MAPK10: variants seen among roughly 807,000 people sequenced by gnomAD.
MAPK10 encodes the protein mitogen-activated protein kinase 10.
In MAPK10, 25 loss-of-function variants were observed where a neutral mutation model predicts 59.3. That is an observed-to-expected ratio of 0.42 (90% confidence interval 0.31 to 0.59). The LOEUF (loss-of-function observed/expected upper bound fraction) is 0.59. Among genes scored for constraint, MAPK10 ranks in the 20% least tolerant of loss-of-function variants. MAPK10 has a pLI of 0.15. For synonymous variants in MAPK10, 190 were observed against 200.5 expected (o/e 0.95, Z 0.44); for missense variants, 351 against 568.9 (o/e 0.62, Z 3.90).
At chr4:86,304,545 A>T (rs1429934473) in intron 2 of MAPK10, among the ~76,000 whole-genome samples, 3 of 150,958 alleles carry the variant, frequency 2.0e-5, no homozygotes, top group African/African-American at 4.9e-5. Context: ...GGCGCCCGCC[A>T]CCGCGCCCGG....
chr4:86,120,352 T>C (rs545778192), intron 4 of MAPK10: 1 of 152,328 alleles, frequency 6.6e-6, no homozygotes, highest in African/African-American at 2.4e-5. Context: ...CAGGAACTTC[T>C]TAAAACACTA....
At chr4:86,480,044 C>T (rs1263198947) in intron 1 of MAPK10, among the ~76,000 whole-genome samples, 1 of 152,210 alleles carries the variant, frequency 6.6e-6, no homozygotes, top group Admixed American at 6.5e-5. Flanking sequence ...ATTTTTCTTA[C>T]TAATATAAGA....
chr4:86,495,570 G>A (rs1754813193), intron 1 of MAPK10, among the ~76,000 whole-genome samples: 1 of 151,998 alleles, frequency 6.6e-6, no homozygotes, highest in African/African-American at 2.4e-5. Flanking sequence ...ATTTAGTGTC[G>A]ACATTTTAAT....
At chr4:86,265,829 C>T (rs1305180264) in intron 2 of MAPK10, among the ~76,000 whole-genome samples, 1 of 152,122 alleles carries the variant, frequency 6.6e-6, no homozygotes, top group Non-Finnish European at 1.5e-5. Flanking sequence ...ACAAGCAGTG[C>T]TATTTCAATG....
chr4:86,019,721 C>T (rs1745375550), intron 13 of MAPK10, among the ~76,000 whole-genome samples: 1 of 152,284 alleles, frequency 6.6e-6, no homozygotes, highest in African/African-American at 2.4e-5. Flanking sequence ...TATCCACACT[C>T]TTATTAAAAG....
chr4:86,320,977 T>A (rs1198424796), intron 2 of MAPK10, among the ~76,000 whole-genome samples: 1 of 151,806 alleles, frequency 6.6e-6, no homozygotes, highest in Non-Finnish European at 1.5e-5. Context: ...AAAAAACACA[T>A]GAAAAAATGC....
intron 1 of MAPK10, among the ~76,000 whole-genome samples, chr4:86,549,588 T>C (rs1759595546): frequency 6.6e-6 from 1 of 152,212 alleles, no homozygotes; most frequent in East Asian, 1.9e-4. Context: ...TGACTAAATG[T>C]GAAGGCTTAG....
At chr4:86,094,589 G>C (rs1313999702) in intron 9 of MAPK10, among the ~76,000 whole-genome samples, 1 of 151,892 alleles carries the variant, frequency 6.6e-6, no homozygotes, top group African/African-American at 2.4e-5. Flanking sequence ...AAAAGAAGCA[G>C]GTTTGAGGAA....
At chr4:86,104,380 T>C (rs1426519424) in intron 5 of MAPK10, among the ~76,000 whole-genome samples, 1 of 152,162 alleles carries the variant, frequency 6.6e-6, no homozygotes, top group African/African-American at 2.4e-5. Context: ...AATATTCATA[T>C]AGAAATAAAA....
chr4:86,240,411 TTC>T (rs1224639085), intron 2 of MAPK10, among the ~76,000 whole-genome samples: 1 of 152,214 alleles, frequency 6.6e-6, no homozygotes, highest in Non-Finnish European at 1.5e-5. Context: ...CTTGTTAATT[TTC>T]TGTCTCATCG....
intron 1 of MAPK10, among the ~76,000 whole-genome samples, chr4:86,398,488 T>C (rs1436462411): frequency 6.6e-6 from 1 of 152,182 alleles, no homozygotes; most frequent in African/African-American, 2.4e-5. Flanking sequence ...ACCCAAATAT[T>C]ATGTCTGCAG....
chr4:86,378,202 T>C (rs979631098), intron 1 of MAPK10, among the ~76,000 whole-genome samples: 1 of 152,132 alleles, frequency 6.6e-6, no homozygotes, highest in Non-Finnish European at 1.5e-5. Flanking sequence ...AAATTCCTTA[T>C]CATAGCCTGC....
intron 2 of MAPK10, among the ~76,000 whole-genome samples, chr4:86,315,048 T>C (rs559776803): frequency 9.8e-5 from 15 of 152,286 alleles, no homozygotes; most frequent in African/African-American, 3.6e-4. Context: ...TACATTACAA[T>C]AGATGAATAT....
intron 1 of MAPK10, among the ~76,000 whole-genome samples, chr4:86,565,770 A>AT (rs147282187): frequency 6.6e-6 from 1 of 152,074 alleles, no homozygotes; most frequent in Non-Finnish European, 1.5e-5. Flanking sequence ...ACAGCTTATC[A>AT]TTTTTTTGCA....
intron 4 of MAPK10, among the ~76,000 whole-genome samples, chr4:86,138,803 G>A (rs1313104889): frequency 4.6e-5 from 7 of 152,100 alleles, no homozygotes; most frequent in Admixed American, 1.3e-4. Context: ...TCTTAGCCCA[G>A]AATCTCCTTA....
At chr4:86,134,731 C>T (rs969209498) in intron 4 of MAPK10, among the ~76,000 whole-genome samples, 3 of 152,170 alleles carry the variant, frequency 2.0e-5, no homozygotes, top group Non-Finnish European at 4.4e-5. Context: ...CCAGCGTGAG[C>T]GACACAGAAG....
intron 1 of MAPK10, among the ~76,000 whole-genome samples, chr4:86,477,093 C>T (rs1051446839): frequency 1.3e-5 from 2 of 152,226 alleles, no homozygotes; most frequent in African/African-American, 4.8e-5. Context: ...CAGAAGCCTA[C>T]AGGACCATCA....
intron 1 of MAPK10, among the ~76,000 whole-genome samples, chr4:86,537,498 T>C (rs1758339210): frequency 6.6e-6 from 1 of 152,120 alleles, no homozygotes; most frequent in South Asian, 2.1e-4. Context: ...CAGGGTTCCT[T>C]GGAGAAATGG....
chr4:86,028,817 G>C (rs1207153881), intron 13 of MAPK10: 2 of 285,676 alleles, frequency 7.0e-6, no homozygotes, highest in Non-Finnish European at 1.4e-5. Context: ...CAAACACTAA[G>C]AATGAATGAG....
Sources: gnomAD v4.1 joint callset for allele counts (sites outside exome capture counted in the v4.1 genomes callset) on GRCh38, gnomAD v4.1.1 for gene constraint, MANE v1.5 for transcripts, NCBI Gene and HGNC (gene_info 2026-07-23, HGNC 2026-07-21) for gene names.